The following CYSTM1 variants were observed in gnomAD, a reference collection of about 807,000 sequenced individuals.
CYSTM1 encodes the protein cysteine rich transmembrane module containing 1.
A neutral mutation model predicts 13.1 loss-of-function variants in CYSTM1; 4 were observed. The observed-to-expected ratio is 0.31, with a 90% CI of 0.15 to 0.70. CYSTM1 has a LOEUF of 0.70. CYSTM1 is among the 30% of genes least tolerant of loss of function. The pLI is 0.72. For synonymous variants in CYSTM1, 36 were observed against 42.7 expected, an observed-to-expected ratio of 0.84 and a Z score of 0.62; for missense variants, 96 against 121.6, an observed-to-expected ratio of 0.79 and a Z score of 0.99.
At chr5:140,192,374 T>C (rs892440580) in intron 1 of CYSTM1, among the ~76,000 whole-genome samples, 1 of 152,230 alleles carries the variant, frequency 6.6e-6, no homozygotes, top group Admixed American at 6.5e-5. Flanking sequence ...AAATGTATGT[T>C]TGTGAATGTC....
intron 2 of CYSTM1, among the ~76,000 whole-genome samples, chr5:140,237,237 A>G (rs2126672712): frequency 6.6e-6 from 1 of 152,350 alleles, no homozygotes; most frequent in East Asian, 1.9e-4. Context: ...CTGAACAAGG[A>G]GAAACCTAGA....
In CYSTM1 at chr5:140,233,071, ACT is replaced by A. The variant is rs577474316; in HGVS notation, c.188-10231_188-10230del. 4.9e-3 allele frequency among the ~76,000 whole-genome samples: 750 copies of A among 152,188 alleles called. 1 individual carries two copies. Among genetic ancestry groups the A allele is most frequent in the Non-Finnish European group, 7.6e-3 (515 of 68,008 alleles). On this transcript the variant is annotated intron_variant, in intron 2 of 2. Coordinates refer to ENST00000261811, the MANE Select transcript of CYSTM1 (RefSeq NM_032412.4). Reference sequence around the variant, plus strand: ...GCTAATATACATCTTTTGAAAGGAAACTCTACATGCAACTCCAGTCTGGAAAA... The same window carrying A: ...GCTAATATACATCTTTTGAAAGGAAACTACATGCAACTCCAGTCTGGAAAA...
chr5:140,235,150 TAGAGATGGGGTTTCGCCATGTTGGCC>T (rs756200342), intron 2 of CYSTM1, among the ~76,000 whole-genome samples: 13 of 151,496 alleles, frequency 8.6e-5, no homozygotes, highest in Admixed American at 2.0e-4. Context: ...TACTTTTTAG[TAGAGATGGGGTTTCGCCATGTTGGCC>T]AGGCTGGTCT....
chr5:140,176,520 G>A (rs1236294771), intron 1 of CYSTM1, among the ~76,000 whole-genome samples: 2 of 152,160 alleles, frequency 1.3e-5, no homozygotes, highest in Non-Finnish European at 2.9e-5. Context: ...CATTTGACGG[G>A]ATTTAATGAC....
intron 2 of CYSTM1, among the ~76,000 whole-genome samples, chr5:140,242,709 A>G (rs1385707403): frequency 1.3e-5 from 2 of 152,182 alleles, no homozygotes; most frequent in African/African-American, 4.8e-5. Flanking sequence ...TGAGCATGCT[A>G]GGCTCAGGAA....
chr5:140,243,462 A>G lies in CYSTM1; in HGVS notation c.*51A>G. On this transcript the variant is annotated 3_prime_UTR_variant, in exon 3 of 3. Coordinates refer to ENST00000261811, the MANE Select transcript of CYSTM1 (RefSeq NM_032412.4). ...TGCCAGCTCTGCTGCCACCTCTGAC[A>G]GGTGTGCCTGCCCCCATCTCTTCTG... 2 of 1,516,064 alleles carry G rather than the reference A, an allele frequency of 1.3e-6. No individual in the cohort carries two copies. The highest frequency in any genetic ancestry group is 1.8e-6 in the Non-Finnish European group (2 of 1,098,540). 93.9% of individuals were successfully genotyped at this position (1,516,064 alleles called of 1,614,324 possible).
intron 1 of CYSTM1, among the ~76,000 whole-genome samples, chr5:140,177,078 A>AAAAAAAAAAAAAAAAC (rs10679899): frequency 1.7e-4 from 23 of 135,586 alleles, no homozygotes; most frequent in East Asian, 4.6e-4. Context: ...CAAAAAAAAA[A>AAAAAAAAAAAAAAAAC]AAAAAAAAAT....
At chr5:140,179,475 G>C (rs977741604) in intron 1 of CYSTM1, among the ~76,000 whole-genome samples, 6 of 151,490 alleles carry the variant, frequency 4.0e-5, no homozygotes, top group Non-Finnish European at 7.4e-5. Flanking sequence ...CACAAGAATT[G>C]CTTGAACCCA....
chr5:140,208,814 C>T (rs931081870), intron 2 of CYSTM1, among the ~76,000 whole-genome samples: 3 of 152,122 alleles, frequency 2.0e-5, no homozygotes, highest in East Asian at 3.9e-4. Context: ...CCGAGGCAGG[C>T]GGATCACGAG....
chr5:140,182,517 G>A (rs951199045), intron 1 of CYSTM1, among the ~76,000 whole-genome samples: 11 of 152,076 alleles, frequency 7.2e-5, no homozygotes, highest in African/African-American at 2.7e-4. Flanking sequence ...CCTCTGCCAG[G>A]GGTGTGGCTT....
At chr5:140,221,546 G>A (rs776976361) in intron 2 of CYSTM1, among the ~76,000 whole-genome samples, 1 of 152,194 alleles carries the variant, frequency 6.6e-6, no homozygotes, top group Non-Finnish European at 1.5e-5. Flanking sequence ...CGTGTGTCAG[G>A]ATTTCCTTCC....
intron 1 of CYSTM1, among the ~76,000 whole-genome samples, chr5:140,190,597 A>C (rs1764083962): frequency 6.6e-6 from 1 of 152,214 alleles, no homozygotes; most frequent in Non-Finnish European, 1.5e-5. Context: ...AATTTAAAAA[A>C]AACAACATTG....
intron 2 of CYSTM1, 140 bp downstream of exon 2, chr5:140,194,792 G>A (rs1764136074): frequency 9.1e-7 from 1 of 1,094,736 alleles, no homozygotes; most frequent in Non-Finnish European, 1.3e-6. Flanking sequence ...ATGGCTTAGG[G>A]TGGATTCTCA....
rs1172569281 is a variant in CYSTM1, at chr5:140,219,430, A to T, written c.188-23875A>T. 6.6e-6 allele frequency among the ~76,000 whole-genome samples: 1 copy of T among 152,176 alleles called. No homozygotes were observed. The highest frequency in any genetic ancestry group is 6.5e-5 in the Admixed American group (1 of 15,276). On this transcript the variant is annotated intron_variant, in intron 2 of 2. Coordinates refer to ENST00000261811, the MANE Select transcript of CYSTM1 (RefSeq NM_032412.4). The surrounding 1 kb of genome is among the most constrained non-coding windows in gnomAD (Gnocchi z 4.1). ...GTAGTAGAGGGGAGGGGTGGGAGAC[A>T]GTCCTTACAAGTGAGGGTTGCCCCC...
intron 2 of CYSTM1, among the ~76,000 whole-genome samples, chr5:140,209,786 C>G (rs1246320350): frequency 6.6e-6 from 1 of 151,814 alleles, no homozygotes; most frequent in Non-Finnish European, 1.5e-5. Context: ...TCTCAAACTC[C>G]TGACCTCAGG....
At chr5:140,212,613 T>C (rs145304547) in intron 2 of CYSTM1, among the ~76,000 whole-genome samples, 348 of 152,186 alleles carry the variant, frequency 2.3e-3, no homozygotes, top group Middle Eastern at 6.8e-3. Flanking sequence ...AGCTAATTTT[T>C]GTGAGCCACC....
intron 2 of CYSTM1, among the ~76,000 whole-genome samples, chr5:140,208,117 T>C (rs763416755): frequency 6.6e-6 from 1 of 152,220 alleles, no homozygotes; most frequent in Non-Finnish European, 1.5e-5. Context: ...AGGAAATCAA[T>C]ATATCAAAGA....
rs879799737 is a variant in CYSTM1, at chr5:140,219,536, T to TA, written c.188-23766dup. 3.9e-5 allele frequency among the ~76,000 whole-genome samples: 6 copies of TA among 152,176 alleles called. No homozygotes were observed. The highest frequency in any genetic ancestry group is 2.9e-5 in the Non-Finnish European group (2 of 68,032). ...TTGGAACTCACTGTGTACCAGCCTC[T>TA]AAACTGAGGTGCGTTCAGGAGAAAA... On this transcript the variant is annotated intron_variant, in intron 2 of 2. Transcript: ENST00000261811. The surrounding 1 kb of genome is among the most constrained non-coding windows in gnomAD (Gnocchi z 4.1).
intron 1 of CYSTM1, among the ~76,000 whole-genome samples, chr5:140,180,525 T>C (rs1763950605): frequency 6.6e-6 from 1 of 152,234 alleles, no homozygotes; most frequent in Admixed American, 6.5e-5. Context: ...GAATTGAACA[T>C]AAACTGACCC....
Sources: gnomAD v4.1 joint callset for allele counts (sites outside exome capture counted in the v4.1 genomes callset) on GRCh38, gnomAD v4.1.1 for gene constraint, Gnocchi (gnomAD v3.1) non-coding constraint, MANE v1.5 for transcripts, NCBI Gene and HGNC (gene_info 2026-07-23, HGNC 2026-07-21) for gene names.